LPP: variants seen among roughly 807,000 people sequenced by gnomAD.
The protein encoded by LPP is lipoma-preferred partner.
LPP carries 38 observed loss-of-function variants against 60.4 expected under a neutral mutation model. That is an observed-to-expected ratio of 0.63 (90% CI 0.49 to 0.83). The LOEUF is 0.83. Ranked by LOEUF, LPP falls within the 40% of genes least tolerant of loss-of-function variation. The probability of loss-of-function intolerance (pLI) is 0.00; values close to 1 mark genes in which losing one functional copy is unlikely to be tolerated. For synonymous variants in LPP, 328 were observed against 290.8 expected (o/e 1.13, Z -1.30); for missense variants, 902 against 783.6 (o/e 1.15, Z -1.80).
chr3:188,851,984 C>A (rs969484876), intron 9 of LPP, among the ~76,000 whole-genome samples: 1 of 151,940 alleles, frequency 6.6e-6, no homozygotes, highest in South Asian at 2.1e-4. Flanking sequence ...GCTGACATGG[C>A]GAAAACCTGT....
chr3:188,248,766 G>C (rs1323447256), intron 2 of LPP, among the ~76,000 whole-genome samples: 1 of 151,910 alleles, frequency 6.6e-6, no homozygotes, highest in Admixed American at 6.6e-5. Flanking sequence ...TTTTGACAAA[G>C]AAGAAAGCTC....
At chr3:188,230,352 G>A (rs1719438397) in intron 2 of LPP, among the ~76,000 whole-genome samples, 1 of 152,102 alleles carries the variant, frequency 6.6e-6, no homozygotes, top group South Asian at 2.1e-4. Context: ...CCAAAGTGCT[G>A]GGATTACAAG....
chr3:188,187,053 CT>C (rs1726811123), intron 1 of LPP, among the ~76,000 whole-genome samples: 1 of 152,128 alleles, frequency 6.6e-6, no homozygotes. Flanking sequence ...TTTCCCTCCA[CT>C]TTTCCTCTCC....
At chr3:188,396,842 A>G (rs1403734021) in intron 3 of LPP, among the ~76,000 whole-genome samples, 4 of 152,220 alleles carry the variant, frequency 2.6e-5, no homozygotes, top group Non-Finnish European at 5.9e-5. Flanking sequence ...CCAGCACTGC[A>G]CACTCCACAG....
chr3:188,545,413 C>G (rs910251856), intron 6 of LPP, among the ~76,000 whole-genome samples: 1 of 151,942 alleles, frequency 6.6e-6, no homozygotes, highest in Non-Finnish European at 1.5e-5. Context: ...CATATAAATA[C>G]AATTTTATCT....
At chr3:188,388,767 A>G (rs184906823) in intron 3 of LPP, among the ~76,000 whole-genome samples, 4 of 152,192 alleles carry the variant, frequency 2.6e-5, no homozygotes, top group African/African-American at 9.6e-5. Context: ...ATCTGTAGTA[A>G]CTGAAAGCAG....
chr3:188,753,002 C>A (rs1181180897), intron 8 of LPP, among the ~76,000 whole-genome samples: 1 of 152,208 alleles, frequency 6.6e-6, no homozygotes, highest in African/African-American at 2.4e-5. Flanking sequence ...TCTTTCCCTG[C>A]AGGTGTTAAT....
rs58700818 is a variant in LPP, at chr3:188,490,751, A to ATTTTTTTTTTTT, written c.306+6057_306+6068dup. 2.7e-3 allele frequency among the ~76,000 whole-genome samples: 248 copies of ATTTTTTTTTTTT among 91,720 alleles called. 11 individuals are homozygous for ATTTTTTTTTTTT. Among genetic ancestry groups the ATTTTTTTTTTTT allele is most frequent in the African/African-American group, 9.2e-3 (234 of 25,362 alleles). 60.2% of individuals were successfully genotyped at this position (91,720 alleles called of 152,430 possible). A position where few individuals can be genotyped will look rare whatever the true frequency, so the allele number is the denominator to read the frequency against. On this transcript the variant is annotated intron_variant, in intron 5 of 11. Transcript: ENST00000617246. The stretch of plus-strand genomic sequence containing the variant: ...AAGTTTTAGCAAAACTGGCACTGGA[A>ATTTTTTTTTTTT]TTTTTTTTTTTTTTTTTTTTTGGGA...
intron 4 of LPP, among the ~76,000 whole-genome samples, chr3:188,441,422 C>G (rs572956476): frequency 6.6e-6 from 1 of 151,828 alleles, no homozygotes; most frequent in African/African-American, 2.4e-5. Context: ...AATAAAACTG[C>G]AGTGGATGTG....
chr3:188,545,265 AAC>A (rs1491209591), intron 6 of LPP, among the ~76,000 whole-genome samples: 18 of 81,324 alleles, frequency 2.2e-4, no homozygotes, highest in African/African-American at 7.6e-4. Flanking sequence ...TAAAAAAAAA[AAC>A]ATTAAAAAAA....
At position 188,608,983 on chromosome 3, in the gene LPP, A is replaced by C. The variant is rs533732676; in HGVS notation, c.430-178A>C. ...TTCGTCGGCAGTGCACAGATATACA[A>C]CTGATTTTTGTGTTCATCTGTGAAC... On this transcript the variant is annotated intron_variant, in intron 6 of 11. Coordinates refer to ENST00000617246, the MANE Select transcript of LPP (RefSeq NM_001375462.1). Among the ~76,000 whole-genome samples, 6 of 152,216 alleles carry C rather than the reference A, an allele frequency of 3.9e-5. No individual in the cohort carries two copies. The East Asian group carries it at 1.2e-3, about 29-fold the overall frequency.
At chr3:188,408,691 A>G (rs191131204) in intron 4 of LPP, among the ~76,000 whole-genome samples, 1 of 151,794 alleles carries the variant, frequency 6.6e-6, no homozygotes, top group East Asian at 1.9e-4. Flanking sequence ...AACATGTAGT[A>G]TATGCCAGGC....
intron 9 of LPP, among the ~76,000 whole-genome samples, chr3:188,850,580 G>C (rs1488027792): frequency 6.6e-6 from 1 of 151,998 alleles, no homozygotes; most frequent in African/African-American, 2.4e-5. Context: ...AGCTATACAA[G>C]TACATCATAT....
chr3:188,407,792 T>G lies in LPP; in HGVS notation c.193+1479T>G, dbSNP rs13073807. On this transcript the variant is annotated intron_variant, in intron 4 of 11. Transcript: ENST00000617246. Reference sequence around the variant, plus strand: ...GGTTTTTTTTTTTGTTTGTTTGTTTTTTTTTTTTTTTTTTTGAGATGGAGT... The same window carrying G: ...GGTTTTTTTTTTTGTTTGTTTGTTTGTTTTTTTTTTTTTTTGAGATGGAGT... Among the ~76,000 whole-genome samples, 80 of 131,866 alleles carry G rather than the reference T, an allele frequency of 6.1e-4. 3 individuals carry two copies. The highest frequency in any genetic ancestry group is 1.6e-3 in the African/African-American group (53 of 33,896). 86.5% of individuals were successfully genotyped at this position (131,866 alleles called of 152,430 possible). A position where few individuals can be genotyped will look rare whatever the true frequency, so the allele number is the denominator to read the frequency against.
chr3:188,221,136 C>T (rs1352850887), intron 1 of LPP, among the ~76,000 whole-genome samples: 1 of 152,188 alleles, frequency 6.6e-6, no homozygotes, highest in East Asian at 1.9e-4. Flanking sequence ...TCCTCTGTCA[C>T]TGGCCTCACC....
At chr3:188,331,570 C>A (rs1255557230) in intron 2 of LPP, among the ~76,000 whole-genome samples, 1 of 152,210 alleles carries the variant, frequency 6.6e-6, no homozygotes, top group Non-Finnish European at 1.5e-5. Flanking sequence ...AAAGATAGCT[C>A]TAATTCCCCC....
At chr3:188,795,490 T>A (rs770379000) in intron 9 of LPP, among the ~76,000 whole-genome samples, 3 of 152,156 alleles carry the variant, frequency 2.0e-5, no homozygotes, top group Admixed American at 1.3e-4. Flanking sequence ...GTATTAAGGA[T>A]CTTCTGGGAC....
At chr3:188,546,180 G>A (rs1826606313) in intron 6 of LPP, among the ~76,000 whole-genome samples, 1 of 151,980 alleles carries the variant, frequency 6.6e-6, no homozygotes, top group African/African-American at 2.4e-5. Flanking sequence ...ACTTGCCTAA[G>A]GTCAAACCAG....
At chr3:188,380,135 C>T (rs1380414532) in intron 3 of LPP, among the ~76,000 whole-genome samples, 2 of 152,198 alleles carry the variant, frequency 1.3e-5, no homozygotes, top group African/African-American at 4.8e-5. Context: ...AACTCCCTCC[C>T]AAGTACTTTT....
Sources: gnomAD v4.1 joint callset for allele counts (sites outside exome capture counted in the v4.1 genomes callset) on GRCh38, gnomAD v4.1.1 for gene constraint, MANE v1.5 for transcripts, NCBI Gene and HGNC (gene_info 2026-07-23, HGNC 2026-07-21) for gene names.